The following KIRREL3 variants were observed in gnomAD, a reference collection of about 807,000 sequenced individuals.
KIRREL3 encodes kin of IRRE-like protein 3.
KIRREL3 carries 36 observed loss-of-function variants against 89.7 expected under a neutral mutation model. That is an observed-to-expected ratio of 0.40 (90% CI 0.31 to 0.53). The LOEUF (loss-of-function observed/expected upper bound fraction) is 0.53. Among genes scored for constraint, KIRREL3 ranks in the 20% least tolerant of loss-of-function variants. The pLI, the probability that KIRREL3 is intolerant of heterozygous loss-of-function variation, is 0.49. For missense variants in KIRREL3, 864 were observed against 1,056.6 expected (o/e 0.82, Z 2.53); for synonymous variants, 445 against 441.4 (o/e 1.01, Z -0.10).
intron 1 of KIRREL3, among the ~76,000 whole-genome samples, chr11:126,765,369 G>A (rs575724270): frequency 4.6e-5 from 7 of 152,300 alleles, no homozygotes; most frequent in Admixed American, 3.3e-4. Context: ...CTAAGCCTCT[G>A]AGGTGTGTGT....
chr11:126,601,159 T>G lies in KIRREL3; in HGVS notation c.56-38247A>C, dbSNP rs1358856016. Among the ~76,000 whole-genome samples, 1 of 152,162 alleles carries G rather than the reference T, an allele frequency of 6.6e-6. No individual in the cohort carries two copies. Among genetic ancestry groups the G allele is most frequent in the Admixed American group, 6.5e-5 (1 of 15,274 alleles). Reference sequence around the variant, plus strand: ...AGGAAGCAATAAAGAAATGTATTTATGAACCAGCCTCTATCTAAGGGAGAG... The same window carrying G: ...AGGAAGCAATAAAGAAATGTATTTAGGAACCAGCCTCTATCTAAGGGAGAG... On this transcript the variant is annotated intron_variant, in intron 1 of 16. Coordinates refer to ENST00000525144, the MANE Select transcript of KIRREL3 (RefSeq NM_032531.4). The surrounding 1 kb of genome is among the most constrained non-coding windows in gnomAD (Gnocchi z 5.8).
intron 4 of KIRREL3, among the ~76,000 whole-genome samples, chr11:126,503,191 G>A (rs1490130653): frequency 6.6e-6 from 1 of 152,194 alleles, no homozygotes; most frequent in South Asian, 2.1e-4. Context: ...GTGTGAAAAG[G>A]GAGTGTTGCT....
chr11:126,887,684 T>C lies in KIRREL3; in HGVS notation c.55+112771A>G, dbSNP rs543349350. Among the ~76,000 whole-genome samples the C allele has an allele frequency of 6.6e-5, 10 of 152,174 alleles. 1 individual carries two copies. The highest frequency in any genetic ancestry group is 6.2e-4 in the South Asian group (3 of 4,826). On this transcript the variant is annotated intron_variant, in intron 1 of 16. Transcript: ENST00000525144. ...AATGACACACATGGCTGAAATAATG[T>C]TTAGATTTAACTAAATGTTGGAAAT...
rs541783516 is a variant in KIRREL3, at chr11:126,969,894, T to C, written c.55+30561A>G. ...GCAAAATGCTGGAGTCCAAACACATTCATAAAATAATTTTGTAGGGCTGGT... is the reference window on the plus strand; with the variant it reads ...GCAAAATGCTGGAGTCCAAACACATCCATAAAATAATTTTGTAGGGCTGGT... On this transcript the variant is annotated intron_variant, in intron 1 of 16. Coordinates refer to ENST00000525144, the MANE Select transcript of KIRREL3 (RefSeq NM_032531.4). The surrounding 1 kb of genome is among the most constrained non-coding windows in gnomAD (Gnocchi z 4.9). Among the ~76,000 whole-genome samples, 6 of 152,176 alleles carry C rather than the reference T, an allele frequency of 3.9e-5. No homozygotes were observed. In the South Asian group the frequency reaches 1.0e-3, roughly 26 times the overall value.
At position 126,606,494 on chromosome 11, in the gene KIRREL3, G is replaced by A. The variant is rs1478336762; in HGVS notation, c.56-43582C>T. Reference sequence around the variant, plus strand: ...AATTATTAAGTTGTCGATTTCACAGGGCCATGGGGGAGGGAAGTCCGGGCT... The same window carrying A: ...AATTATTAAGTTGTCGATTTCACAGAGCCATGGGGGAGGGAAGTCCGGGCT... On this transcript the variant is annotated intron_variant, in intron 1 of 16. Transcript: ENST00000525144. This position sits in a 1 kb window ranked among gnomAD's most constrained non-coding sequence, Gnocchi z 4.6. Among the ~76,000 whole-genome samples the A allele has an allele frequency of 1.3e-5, 2 of 151,828 alleles. No individual in the cohort carries two copies. Among genetic ancestry groups the A allele is most frequent in the African/African-American group, 4.9e-5 (2 of 41,146 alleles).
intron 5 of KIRREL3, among the ~76,000 whole-genome samples, chr11:126,473,038 TA>T (rs1279268566): frequency 3.2e-5 from 1 of 31,358 alleles, no homozygotes; most frequent in African/African-American, 2.4e-4. Flanking sequence ...CCCCTCTACC[TA>T]ACCCCCCCAG....
rs1950342194 is a variant in KIRREL3 at position 126,782,078 on chromosome 11, A to T, written c.55+218377T>A. ...GCAGAGACAATGCGATGTGCTCAGC[A>T]TATAATTTCCTCCTCCTGGGTTCAC... On this transcript the variant is annotated intron_variant, in intron 1 of 16. Transcript: ENST00000525144. The surrounding 1 kb of genome is among the most constrained non-coding windows in gnomAD (Gnocchi z 4.1). 7.0e-6 allele frequency among the ~76,000 whole-genome samples: 1 copy of T among 142,240 alleles called. No individual in the cohort carries two copies. Among genetic ancestry groups the T allele is most frequent in the African/African-American group, 2.5e-5 (1 of 39,234 alleles). The allele number at this position is 142,240 out of a possible 152,430, so 93.3% of individuals were successfully genotyped here.
In KIRREL3 at chr11:126,912,196, T is replaced by C. The variant is rs1442182277; in HGVS notation, c.55+88259A>G. ...CTCTTTTCAGAAGGACAAAGTGGAA[T>C]GAAAGCACAAGCCATCAATAGCATG... On this transcript the variant is annotated intron_variant, in intron 1 of 16. Coordinates refer to ENST00000525144, the MANE Select transcript of KIRREL3 (RefSeq NM_032531.4). The surrounding 1 kb of genome is among the most constrained non-coding windows in gnomAD (Gnocchi z 4.7). Among the ~76,000 whole-genome samples the C allele has an allele frequency of 6.6e-6, 1 of 151,978 alleles. No homozygotes were observed. Among genetic ancestry groups the C allele is most frequent in the Non-Finnish European group, 1.5e-5 (1 of 68,008 alleles).
Position 126,424,577 on chromosome 11 carries a change from T to A in KIRREL3, c.*3A>T. 1 of 1,613,330 alleles carries A rather than the reference T, an allele frequency of 6.2e-7. No individual in the cohort carries two copies. Among genetic ancestry groups the A allele is most frequent in the Non-Finnish European group, 8.5e-7 (1 of 1,179,648 alleles). On this transcript the variant is annotated 3_prime_UTR_variant, in exon 17 of 17. Coordinates refer to ENST00000525144, the MANE Select transcript of KIRREL3 (RefSeq NM_032531.4). ...GCCCGTCCCCACCCGCGGTGTGTGATCCTTAGACGTGAGTCTGCATCCGCC... is the reference window on the plus strand; with the variant it reads ...GCCCGTCCCCACCCGCGGTGTGTGAACCTTAGACGTGAGTCTGCATCCGCC...
chr11:126,887,360 A>G (rs932159263), intron 1 of KIRREL3, among the ~76,000 whole-genome samples: 1 of 152,158 alleles, frequency 6.6e-6, no homozygotes, highest in African/African-American at 2.4e-5. Flanking sequence ...TGCTTTGGGG[A>G]CTGGAGGCTA....
At position 126,909,990 on chromosome 11, in the gene KIRREL3, A is replaced by T. The variant is rs1370323850; in HGVS notation, c.55+90465T>A. Among the ~76,000 whole-genome samples the T allele has an allele frequency of 6.6e-6, 1 of 152,244 alleles. No homozygotes were observed. Among genetic ancestry groups the T allele is most frequent in the Admixed American group, 6.5e-5 (1 of 15,286 alleles). On this transcript the variant is annotated intron_variant, in intron 1 of 16. Coordinates refer to ENST00000525144, the MANE Select transcript of KIRREL3 (RefSeq NM_032531.4). This position sits in a 1 kb window ranked among gnomAD's most constrained non-coding sequence, Gnocchi z 4.5. ...CAATTTGTTAAGGTTGCAGAGCAGC[A>T]GTTCCAGGGTTGTAAAAGATAAAAC...
At position 127,000,341 on chromosome 11, in the gene KIRREL3, A is replaced by G. The variant is rs1351063096; in HGVS notation, c.55+114T>C. 2.6e-6 allele frequency: 2 copies of G among 764,894 alleles called. No homozygotes were observed. Among genetic ancestry groups the G allele is most frequent in the Non-Finnish European group, 4.2e-6 (2 of 472,920 alleles). 47.4% of individuals were successfully genotyped at this position (764,894 alleles called of 1,614,324 possible). A position where few individuals can be genotyped will look rare whatever the true frequency, so the allele number is the denominator to read the frequency against. Reference sequence around the variant, plus strand: ...CAGAGCATCTCAGCCCGGCACCGAGAGACGCATCCATCAGTCCGAGTTCCC... The same window carrying G: ...CAGAGCATCTCAGCCCGGCACCGAGGGACGCATCCATCAGTCCGAGTTCCC... On this transcript the variant is annotated intron_variant, in intron 1 of 16. Coordinates refer to ENST00000525144, the MANE Select transcript of KIRREL3 (RefSeq NM_032531.4). This position sits in a 1 kb window ranked among gnomAD's most constrained non-coding sequence, Gnocchi z 7.1.
Position 126,748,848 on chromosome 11 carries a change from G to T in KIRREL3, c.56-185936C>A, listed in dbSNP as rs1949243052. On this transcript the variant is annotated intron_variant, in intron 1 of 16. Transcript: ENST00000525144. This position sits in a 1 kb window ranked among gnomAD's most constrained non-coding sequence, Gnocchi z 4.6. ...CCTAGCTACTGTGTTGTTGAAACGA[G>T]CTTCTTTGATTTACTCAGTGTATTT... 6.6e-6 allele frequency among the ~76,000 whole-genome samples: 1 copy of T among 152,172 alleles called. No individual in the cohort carries two copies. Among genetic ancestry groups the T allele is most frequent in the South Asian group, 2.1e-4 (1 of 4,828 alleles).
chr11:126,725,264 G>A (rs1948332625), intron 1 of KIRREL3, among the ~76,000 whole-genome samples: 1 of 152,186 alleles, frequency 6.6e-6, no homozygotes, highest in South Asian at 2.1e-4. Context: ...ATGCTAGTGA[G>A]CTCCAGAGAC....
chr11:126,778,038 C>T lies in KIRREL3; in HGVS notation c.56-215126G>A, dbSNP rs551088633. 7.3e-6 allele frequency among the ~76,000 whole-genome samples: 1 copy of T among 137,308 alleles called. No homozygotes were observed. Among genetic ancestry groups the T allele is most frequent in the Non-Finnish European group, 1.6e-5 (1 of 63,556 alleles). 90.1% of individuals were successfully genotyped at this position (137,308 alleles called of 152,430 possible). A position where few individuals can be genotyped will look rare whatever the true frequency, so the allele number is the denominator to read the frequency against. On this transcript the variant is annotated intron_variant, in intron 1 of 16. Transcript: ENST00000525144. The surrounding 1 kb of genome is among the most constrained non-coding windows in gnomAD (Gnocchi z 4.5). ...TCCTGGTATATGAGAAATACATGCT[C>T]ATTGTAGAAAAAAAAAAAAAAAGAA...
intron 1 of KIRREL3, among the ~76,000 whole-genome samples, chr11:126,679,427 C>A (rs1946352360): frequency 6.6e-6 from 1 of 152,180 alleles, no homozygotes; most frequent in African/African-American, 2.4e-5. Context: ...GCTTTGTGTT[C>A]ATTTTGAAGC....
At chr11:126,824,240 G>A (rs906991876) in intron 1 of KIRREL3, among the ~76,000 whole-genome samples, 4 of 152,246 alleles carry the variant, frequency 2.6e-5, no homozygotes, top group Admixed American at 1.3e-4. Context: ...ATTCTCATCC[G>A]GCAAGCTGAT....
chr11:126,431,730 G>A lies in KIRREL3; in HGVS notation c.1589-204C>T, dbSNP rs1329103579. Among the ~76,000 whole-genome samples, 1 of 152,156 alleles carries A rather than the reference G, an allele frequency of 6.6e-6. No homozygotes were observed. Among genetic ancestry groups the A allele is most frequent in the Non-Finnish European group, 1.5e-5 (1 of 68,012 alleles). The stretch of plus-strand genomic sequence containing the variant: ...TGCAAAGACCAGGGTGGAGGACACA[G>A]GGGCTTGGTGGGTGGAGGAGAGGGC... On this transcript the variant is annotated intron_variant, in intron 13 of 16. Transcript: ENST00000525144. This position sits in a 1 kb window ranked among gnomAD's most constrained non-coding sequence, Gnocchi z 7.1.
chr11:126,517,022 C>T (rs896370126), intron 4 of KIRREL3, among the ~76,000 whole-genome samples: 7 of 151,940 alleles, frequency 4.6e-5, no homozygotes, highest in South Asian at 4.1e-4. Context: ...GAGCTGAGAT[C>T]GTGCCTCTGC....
Sources: allele counts gnomAD v4.1 joint callset (sites outside exome capture counted in the v4.1 genomes callset), GRCh38; gene constraint gnomAD v4.1.1; non-coding constraint Gnocchi (gnomAD v3.1); transcripts MANE v1.5; gene names NCBI Gene and HGNC (gene_info 2026-07-23, HGNC 2026-07-21).